Variants in OXR1 observed in about 807,000 individuals in gnomAD.
OXR1 encodes oxidation resistance protein 1.
A neutral mutation model predicts 104.6 loss-of-function variants in OXR1; 41 were observed. The ratio of observed to expected loss-of-function variants is 0.39; its 90% confidence interval spans 0.31 to 0.51. OXR1 has a LOEUF of 0.51. OXR1 is among the 20% of genes least tolerant of loss of function. The pLI is 0.77. For synonymous variants in OXR1, 348 were observed against 348.4 expected (o/e 1.00, Z 0.01); for missense variants, 955 against 1,031.9 (o/e 0.93, Z 1.02).
chr8:106,526,848 A>G (rs937874795), intron 3 of OXR1, among the ~76,000 whole-genome samples: 1 of 152,136 alleles, frequency 6.6e-6, no homozygotes, highest in African/African-American at 2.4e-5. Flanking sequence ...ATGTATAGCT[A>G]TTGTCTCTTC....
At chr8:106,547,496 T>C (rs1164675200) in intron 3 of OXR1, among the ~76,000 whole-genome samples, 9 of 126,902 alleles carry the variant, frequency 7.1e-5, no homozygotes, top group East Asian at 2.1e-4. Flanking sequence ...TTCTTTCTTT[T>C]TTTTTTTTTT....
chr8:106,506,706 C>T (rs953327898), intron 2 of OXR1, among the ~76,000 whole-genome samples: 1 of 151,846 alleles, frequency 6.6e-6, no homozygotes, highest in African/African-American at 2.4e-5. Flanking sequence ...CAGAGGGAGG[C>T]CCAACTGGAC....
chr8:106,324,222 G>C (rs1308197659), intron 1 of OXR1, among the ~76,000 whole-genome samples: 69 of 152,172 alleles, frequency 4.5e-4, no homozygotes, highest in Non-Finnish European at 7.3e-5. Flanking sequence ...TACATGGATG[G>C]AGATGGAGGC....
At chr8:106,526,920 T>A (rs1813732512) in intron 3 of OXR1, among the ~76,000 whole-genome samples, 1 of 152,138 alleles carries the variant, frequency 6.6e-6, no homozygotes. Flanking sequence ...AAGATCCTAA[T>A]TTTTTTGATC....
At chr8:106,746,008 C>A in intron 16 of OXR1, 146 bp downstream of exon 16, 1 of 533,170 alleles carries the variant, frequency 1.9e-6, no homozygotes, top group East Asian at 3.0e-5. Flanking sequence ...AATGTATTTG[C>A]AAGAAGTAGC....
intron 1 of OXR1, among the ~76,000 whole-genome samples, chr8:106,290,392 G>A (rs1812695816): frequency 6.6e-6 from 1 of 152,136 alleles, no homozygotes; most frequent in Non-Finnish European, 1.5e-5. Flanking sequence ...ATTAGCTTTG[G>A]CAAAGAATGT....
intron 3 of OXR1, among the ~76,000 whole-genome samples, chr8:106,611,501 C>T (rs1200628917): frequency 2.0e-5 from 3 of 152,090 alleles, no homozygotes; most frequent in African/African-American, 4.8e-5. Flanking sequence ...CAAGGGTGAT[C>T]GAAAGAGAGC....
chr8:106,643,960 T>C (rs1209099540), intron 3 of OXR1, among the ~76,000 whole-genome samples: 1 of 152,222 alleles, frequency 6.6e-6, no homozygotes, highest in Non-Finnish European at 1.5e-5. Context: ...TTTTCAACCA[T>C]TTTCTAGTGT....
chr8:106,556,038 TAA>T (rs1816259181), intron 3 of OXR1, among the ~76,000 whole-genome samples: 2 of 151,432 alleles, frequency 1.3e-5, no homozygotes, highest in Admixed American at 1.3e-4. Context: ...TTAAATGAAG[TAA>T]GACAGAAACA....
At chr8:106,288,104 G>A (rs954981217) in intron 1 of OXR1, among the ~76,000 whole-genome samples, 1 of 152,222 alleles carries the variant, frequency 6.6e-6, no homozygotes, top group Admixed American at 6.5e-5. Context: ...GATGGGACCT[G>A]TAGCTGCAGC....
intron 13 of OXR1, 194 bp from the exon 14 acceptor site, chr8:106,740,149 A>G (rs1383553914): frequency 2.1e-6 from 1 of 476,168 alleles, no homozygotes; most frequent in African/African-American, 2.0e-5. Flanking sequence ...TTCCTAATAG[A>G]CAATTAATAT....
chr8:106,523,515 T>C (rs1285673606), intron 3 of OXR1, among the ~76,000 whole-genome samples: 1 of 152,164 alleles, frequency 6.6e-6, no homozygotes, highest in African/African-American at 2.4e-5. Flanking sequence ...TAGAATGGAA[T>C]ATTCTATAGA....
intron 2 of OXR1, among the ~76,000 whole-genome samples, chr8:106,420,595 A>G (rs909396082): frequency 3.3e-5 from 5 of 150,688 alleles, no homozygotes; most frequent in African/African-American, 1.2e-4. Context: ...TATTAAATAT[A>G]TAATATATAA....
At chr8:106,338,215 T>G (rs970577316) in intron 1 of OXR1, among the ~76,000 whole-genome samples, 1 of 152,030 alleles carries the variant, frequency 6.6e-6, no homozygotes, top group African/African-American at 2.4e-5. Context: ...TTCCTCAAAA[T>G]AGGAGATTCT....
intron 12 of OXR1, among the ~76,000 whole-genome samples, chr8:106,738,358 A>G (rs951163622): frequency 6.6e-6 from 1 of 152,038 alleles, no homozygotes; most frequent in Non-Finnish European, 1.5e-5. Context: ...AGGGTGAAAC[A>G]TGATGATATG....
At chr8:106,407,964 C>T (rs1818303531) in intron 2 of OXR1, among the ~76,000 whole-genome samples, 2 of 152,166 alleles carry the variant, frequency 1.3e-5, no homozygotes, top group Admixed American at 1.3e-4. Context: ...CAGTTACAGC[C>T]ACAGTTCTCA....
At chr8:106,525,482 C>T (rs1234870370) in intron 3 of OXR1, among the ~76,000 whole-genome samples, 1 of 152,166 alleles carries the variant, frequency 6.6e-6, no homozygotes, top group East Asian at 1.9e-4. Context: ...TGTCTGTAGT[C>T]CATTAGAGAA....
At chr8:106,724,312 CA>C (rs779391583) in intron 11 of OXR1, among the ~76,000 whole-genome samples, 6 of 152,106 alleles carry the variant, frequency 3.9e-5, no homozygotes, top group Non-Finnish European at 8.8e-5. Context: ...ATAATAATAA[CA>C]ATTGACATCT....
At chr8:106,491,934 G>C (rs1811115519) in intron 2 of OXR1, among the ~76,000 whole-genome samples, 1 of 152,064 alleles carries the variant, frequency 6.6e-6, no homozygotes, top group African/African-American at 2.4e-5. Flanking sequence ...AAAAACAAAA[G>C]TGATATAAAA....
Sources: gnomAD v4.1 joint callset for allele counts (sites outside exome capture counted in the v4.1 genomes callset) on GRCh38, gnomAD v4.1.1 for gene constraint, MANE v1.5 for transcripts, NCBI Gene and HGNC (gene_info 2026-07-23, HGNC 2026-07-21) for gene names.